Variants in TESC observed in about 807,000 individuals in gnomAD.
TESC encodes the protein calcineurin B homologous protein 3.
A neutral mutation model predicts 31.0 loss-of-function variants in TESC; 19 were observed. The observed-to-expected ratio is 0.61, with a 90% CI of 0.43 to 0.90. TESC has a LOEUF of 0.90. TESC is among the 40% of genes least tolerant of loss of function. The pLI is 0.00. For synonymous variants in TESC, 109 were observed against 114.8 expected (o/e 0.95, Z 0.32); for missense variants, 248 against 303.8 (o/e 0.82, Z 1.36).
intron 1 of TESC, among the ~76,000 whole-genome samples, chr12:117,075,913 A>ATATATGTGTGTG (rs1265957613): frequency 2.2e-3 from 112 of 51,910 alleles, no homozygotes; most frequent in Non-Finnish European, 2.1e-3. Flanking sequence ...ATATATATAT[A>ATATATGTGTGTG]TGTGTGTGTG....
At chr12:117,063,732 A>C (rs1397957693) in intron 2 of TESC, among the ~76,000 whole-genome samples, 4 of 152,124 alleles carry the variant, frequency 2.6e-5, no homozygotes, top group African/African-American at 9.7e-5. Context: ...CTGCCTGCCC[A>C]GTGCCCCTCT....
At chr12:117,092,983 C>A (rs183040312) in intron 1 of TESC, among the ~76,000 whole-genome samples, 2 of 152,010 alleles carry the variant, frequency 1.3e-5, no homozygotes, top group Admixed American at 1.3e-4. Flanking sequence ...CCTGAAGATG[C>A]CAGGGGAAAA....
At chr12:117,075,039 G>C (rs770019208) in intron 2 of TESC, among the ~76,000 whole-genome samples, 1 of 152,168 alleles carries the variant, frequency 6.6e-6, no homozygotes, top group Admixed American at 6.5e-5. Flanking sequence ...CCAGCTACTC[G>C]GGAGGCTGAG....
In TESC at chr12:117,083,089, ATT is replaced by A. The variant is rs35709896; in HGVS notation, c.59-7751_59-7750del. On this transcript the variant is annotated intron_variant, in intron 1 of 7. Coordinates refer to ENST00000335209, the MANE Select transcript of TESC (RefSeq NM_017899.4). ...AATCCAGCAATTCTACTCCAAAACA[ATT>A]TTTTTTTTTTTTGAAACAGAGTCTT... Among the ~76,000 whole-genome samples, 71 of 148,348 alleles carry A rather than the reference ATT, an allele frequency of 4.8e-4. 1 individual carries two copies. The highest frequency in any genetic ancestry group is 1.0e-3 in the African/African-American group (42 of 40,404).
intron 2 of TESC, among the ~76,000 whole-genome samples, chr12:117,066,999 A>C (rs549582113): frequency 6.6e-6 from 1 of 152,016 alleles, no homozygotes; most frequent in African/African-American, 2.4e-5. Context: ...TTCACACCAA[A>C]CTACCCCCTT....
chr12:117,095,030 A>AAAAG (rs1050730701), intron 1 of TESC, among the ~76,000 whole-genome samples: 1 of 139,756 alleles, frequency 7.2e-6, no homozygotes, highest in East Asian at 2.0e-4. Flanking sequence ...AAAAAAAAAA[A>AAAAG]AGAGAGAGAG....
In TESC at chr12:117,075,284, G is replaced by T; in HGVS notation, c.115C>A (p.Gln39Lys). ...HRRFKQLSGD[Q>K]PTIRKENFNN... ...TGCCAATCTTACCGAATGGTAGGCT[G>T]ATCTCCACTCAGCTGCTTAAATCTC... Residue 39 changes from glutamine (Q) to lysine (K), a missense_variant, in exon 2 of 8, where the codon CAG (glutamine) becomes AAG (lysine). Gln to Lys is a moderately conservative substitution (Grantham distance 53). Coordinates refer to ENST00000335209, the MANE Select transcript of TESC (RefSeq NM_017899.4). 6.2e-7 allele frequency: 1 copy of T among 1,612,530 alleles called. No individual in the cohort carries two copies. The highest frequency in any genetic ancestry group is 1.1e-5 in the South Asian group (1 of 91,052).
Position 117,064,711 on chromosome 12 carries a change from G to A in TESC, c.129-7825C>T, listed in dbSNP as rs569032178. On this transcript the variant is annotated intron_variant, in intron 2 of 7. Transcript: ENST00000335209. Reference sequence around the variant, plus strand: ...GAAAGGGAGGGGACCACAGGAGACCGGTACAAGTTTAAATGAGGTTGACCA... The same window carrying A: ...GAAAGGGAGGGGACCACAGGAGACCAGTACAAGTTTAAATGAGGTTGACCA... Among the ~76,000 whole-genome samples, 13 of 152,286 alleles carry A rather than the reference G, an allele frequency of 8.5e-5. No homozygotes were observed. The South Asian group carries it at 1.0e-3, about 12-fold the overall frequency.
chr12:117,078,607 T>C (rs7963339), intron 1 of TESC, among the ~76,000 whole-genome samples: 5,006 of 152,240 alleles, frequency 0.033, 305 homozygotes, highest in African/African-American at 0.11. Context: ...CAGTTGTGTA[T>C]TTGCATAGAA....
In TESC at chr12:117,049,179, G is replaced by C. The variant is rs750698318; in HGVS notation, c.210-21C>G. On this transcript the variant is annotated intron_variant, in intron 3 of 7. Transcript: ENST00000335209. ...GGTTCCTACGGGAGCAACAAGGAGG[G>C]TGTTGGAAATAAATGAAGAACTGGA... 1.9e-6 allele frequency: 3 copies of C among 1,613,988 alleles called. 1 individual carries two copies. The South Asian group carries it at 3.3e-5, about 18-fold the overall frequency.
intron 6 of TESC, among the ~76,000 whole-genome samples, chr12:117,042,651 G>T (rs114596730): frequency 0.01 from 1,548 of 152,294 alleles, 22 homozygotes; most frequent in African/African-American, 0.035. Context: ...CATCGCCTCT[G>T]CGTCCTCCCT....
chr12:117,043,837 TGAGGGACACA>T (rs1385857219), intron 6 of TESC, among the ~76,000 whole-genome samples: 3 of 152,204 alleles, frequency 2.0e-5, no homozygotes, highest in Admixed American at 1.3e-4. Flanking sequence ...GTATTACAGA[TGAGGGACACA>T]GAGGGAGCTG....
Position 117,049,141 on chromosome 12 carries a change from G to A in TESC, c.227C>T (p.Pro76Leu), listed in dbSNP as rs748927568. The A allele has an allele frequency of 6.2e-7, 1 of 1,614,126 alleles. No individual in the cohort carries two copies. Among genetic ancestry groups the A allele is most frequent in the African/African-American group, 1.3e-5 (1 of 74,944 alleles). The change falls in exon 4 of 8, where the codon CCC becomes CTC. Residue 76 changes from proline (P) to leucine (L), a missense_variant. Pro to Leu is a moderately conservative substitution (Grantham distance 98). Coordinates refer to ENST00000335209, the MANE Select transcript of TESC (RefSeq NM_017899.4). Reference protein sequence around the residue: ...FFDNRNLRKGPSGLADEINFE... With the variant: ...FFDNRNLRKGLSGLADEINFE... ...ATTGATCTCATCAGCCAGGCCACTG[G>A]GTCCCTTGCGCAGGTTCCTACGGGA...
intron 6 of TESC, among the ~76,000 whole-genome samples, chr12:117,042,337 G>A (rs1592988984): frequency 6.6e-6 from 1 of 152,058 alleles, no homozygotes; most frequent in South Asian, 2.1e-4. Flanking sequence ...AGGGCATGGG[G>A]CTCTCCTTCC....
intron 3 of TESC, among the ~76,000 whole-genome samples, chr12:117,056,560 T>G (rs1954727254): frequency 6.6e-6 from 1 of 152,120 alleles, no homozygotes; most frequent in Non-Finnish European, 1.5e-5. Context: ...TACTAAGTTT[T>G]GGGGTAATTT....
intron 2 of TESC, among the ~76,000 whole-genome samples, chr12:117,061,364 CCCTTCCCCAGGTG>C (rs144901207): frequency 0.046 from 6,933 of 152,200 alleles, 297 homozygotes; most frequent in East Asian, 0.19. Flanking sequence ...TGAGGCACTG[CCCTTCCCCAGGTG>C]CCTTCCCCAG....
chr12:117,093,336 A>T (rs957839087), intron 1 of TESC, among the ~76,000 whole-genome samples: 4 of 152,214 alleles, frequency 2.6e-5, no homozygotes. Context: ...CGCCACCCCC[A>T]CCAGCCACGC....
chr12:117,087,288 T>C (rs976280117), intron 1 of TESC, among the ~76,000 whole-genome samples: 6 of 152,250 alleles, frequency 3.9e-5, no homozygotes, highest in Non-Finnish European at 8.8e-5. Flanking sequence ...TGAAGATTAA[T>C]TGCTGGCATT....
At chr12:117,044,582 T>C (rs1954529898) in intron 6 of TESC, among the ~76,000 whole-genome samples, 1 of 152,182 alleles carries the variant, frequency 6.6e-6, no homozygotes, top group South Asian at 2.1e-4. Context: ...TCCATGGGTG[T>C]GACCTCCTGA....
Sources: gnomAD v4.1 joint callset for allele counts (sites outside exome capture counted in the v4.1 genomes callset) on GRCh38, gnomAD v4.1.1 for gene constraint, MANE v1.5 for transcripts, NCBI Gene and HGNC (gene_info 2026-07-23, HGNC 2026-07-21) for gene names.